MICU1: variants seen among roughly 807,000 people sequenced by gnomAD.
MICU1 encodes calcium uptake protein 1, mitochondrial.
Under a neutral mutation model 56.8 loss-of-function variants are expected in MICU1, and 45 were observed. The observed-to-expected ratio is 0.79, with a 90% CI of 0.62 to 1.02. The LOEUF is 1.02. Ranked by LOEUF, MICU1 falls within the 50% of genes least tolerant of loss-of-function variation. The pLI is 0.00. For missense variants in MICU1, 504 were observed against 587.1 expected (o/e 0.86, Z 1.46); for synonymous variants, 186 against 195.1 (o/e 0.95, Z 0.39).
chr10:72,549,387 C>T (rs375606448), intron 4 of MICU1, among the ~76,000 whole-genome samples: 18 of 150,522 alleles, frequency 1.2e-4, no homozygotes, highest in East Asian at 8.0e-4. Context: ...GATGGGGTTT[C>T]GCCATGTTGC....
At chr10:72,500,016 T>G (rs1188570029) in intron 6 of MICU1, among the ~76,000 whole-genome samples, 1 of 151,964 alleles carries the variant, frequency 6.6e-6, no homozygotes, top group Non-Finnish European at 1.5e-5. Flanking sequence ...TAATTTTCAG[T>G]AAATCAAATC....
chr10:72,507,335 C>T (rs911095366), intron 6 of MICU1, among the ~76,000 whole-genome samples: 26 of 152,092 alleles, frequency 1.7e-4, no homozygotes, highest in Non-Finnish European at 3.2e-4. Flanking sequence ...TTTAAAATCA[C>T]TTAGAGTAGC....
rs114668528 is a variant in MICU1, at chr10:72,591,639, T to A, written c.-1-24845A>T. ...GGGAAACCTAGATAAGATGGACCAA[T>A]TCCTAGAAACACAGAAACTACCATG... On this transcript the variant is annotated intron_variant, in intron 1 of 11. Transcript: ENST00000361114. Among the ~76,000 whole-genome samples the A allele has an allele frequency of 2.1e-3, 324 of 152,216 alleles. 1 individual carries two copies. The highest frequency in any genetic ancestry group is 7.0e-3 in the African/African-American group (290 of 41,538).
chr10:72,417,190 C>T (rs1439424924), intron 9 of MICU1, among the ~76,000 whole-genome samples: 6 of 152,166 alleles, frequency 3.9e-5, no homozygotes, highest in South Asian at 2.1e-4. Flanking sequence ...TGGTGGCTCA[C>T]GCCTGTAATC....
intron 6 of MICU1, among the ~76,000 whole-genome samples, chr10:72,498,199 C>T (rs1418243331): frequency 6.6e-6 from 1 of 152,182 alleles, no homozygotes; most frequent in African/African-American, 2.4e-5. Context: ...CATGTTAGGT[C>T]AGTTTCTAGA....
At chr10:72,448,113 T>TTA (rs201797680) in intron 8 of MICU1, among the ~76,000 whole-genome samples, 1 of 76,252 alleles carries the variant, frequency 1.3e-5, no homozygotes, top group Non-Finnish European at 2.7e-5. Context: ...TGGAAAAAGT[T>TTA]TATATATATG....
At chr10:72,465,312 T>G (rs937970429) in intron 8 of MICU1, among the ~76,000 whole-genome samples, 4 of 140,442 alleles carry the variant, frequency 2.8e-5, no homozygotes, top group South Asian at 2.1e-4. Context: ...GTTTTTTGTT[T>G]TTTTTTTTTT....
chr10:72,410,882 A>C (rs1283083110), intron 9 of MICU1, among the ~76,000 whole-genome samples: 1 of 152,232 alleles, frequency 6.6e-6, no homozygotes, highest in Non-Finnish European at 1.5e-5. Context: ...CAGGTTGTAC[A>C]ATATCATTGC....
At chr10:72,507,654 T>G (rs1345541220) in intron 6 of MICU1, among the ~76,000 whole-genome samples, 10 of 152,212 alleles carry the variant, frequency 6.6e-5, no homozygotes, top group Non-Finnish European at 1.2e-4. Flanking sequence ...TTTTTGCTGC[T>G]GTTGTTTTTG....
At chr10:72,524,372 G>A (rs553035544) in intron 5 of MICU1, among the ~76,000 whole-genome samples, 16 of 152,154 alleles carry the variant, frequency 1.1e-4, no homozygotes, top group African/African-American at 3.9e-4. Context: ...CAAAGTGCTG[G>A]GATTACAAGC....
chr10:72,595,573 C>T (rs1387836856), intron 1 of MICU1, among the ~76,000 whole-genome samples: 1 of 151,734 alleles, frequency 6.6e-6, no homozygotes, highest in Non-Finnish European at 1.5e-5. Context: ...GGAAAAATGG[C>T]TAACATAGCT....
intron 1 of MICU1, among the ~76,000 whole-genome samples, chr10:72,604,563 G>A (rs1271851798): frequency 6.6e-6 from 1 of 150,808 alleles, no homozygotes; most frequent in Non-Finnish European, 1.5e-5. Flanking sequence ...ATGAGCCAGC[G>A]TGCCCGGCCT....
chr10:72,417,453 C>CA (rs869171199), intron 9 of MICU1, among the ~76,000 whole-genome samples: 4,539 of 66,162 alleles, frequency 0.069, 338 homozygotes, highest in African/African-American at 0.24. Flanking sequence ...GACTCCGTCT[C>CA]AAAAAAAAAA....
At position 72,548,174 on chromosome 10, in the gene MICU1, CA is replaced by C. The variant is rs200142646; in HGVS notation, c.493+3004del. The stretch of plus-strand genomic sequence containing the variant: ...GCTGAGGTTTCATCCTGTCAGGCTG[CA>C]ACACTGTACAACTAACTGCTGCAGC... On this transcript the variant is annotated intron_variant, in intron 4 of 11. Transcript: ENST00000361114. Among the ~76,000 whole-genome samples the C allele has an allele frequency of 7.4e-3, 1,132 of 152,242 alleles. 13 individuals are homozygous for C. The highest frequency in any genetic ancestry group is 0.026 in the African/African-American group (1,066 of 41,528).
At chr10:72,524,247 A>C (rs1564918234) in intron 5 of MICU1, among the ~76,000 whole-genome samples, 1 of 152,096 alleles carries the variant, frequency 6.6e-6, no homozygotes, top group Non-Finnish European at 1.5e-5. Flanking sequence ...CAGTCTCCTG[A>C]GTAGCTAGGA....
At chr10:72,432,136 C>A (rs750123870) in intron 8 of MICU1, among the ~76,000 whole-genome samples, 159 of 148,968 alleles carry the variant, frequency 1.1e-3, no homozygotes, top group Non-Finnish European at 1.7e-3. Context: ...CTCTGTCACC[C>A]AGGCTGCAGC....
rs544608008 is a variant in MICU1, at chr10:72,512,201, T to C, written c.538-3932A>G. Among the ~76,000 whole-genome samples, 9 of 140,672 alleles carry C rather than the reference T, an allele frequency of 6.4e-5. No individual in the cohort carries two copies. The East Asian group carries it at 2.2e-3, about 35-fold the overall frequency. 92.3% of individuals were successfully genotyped at this position (140,672 alleles called of 152,430 possible). ...ATCTCTGCTTACTGCAATCTCTGCCTCCCAGGTTCAAGCAATTCCCCTGCC... is the reference window on the plus strand; with the variant it reads ...ATCTCTGCTTACTGCAATCTCTGCCCCCCAGGTTCAAGCAATTCCCCTGCC... On this transcript the variant is annotated intron_variant, in intron 5 of 11. Coordinates refer to ENST00000361114, the MANE Select transcript of MICU1 (RefSeq NM_001195518.2).
intron 6 of MICU1, chr10:72,477,732 G>A: frequency 5.1e-6 from 3 of 592,230 alleles, no homozygotes; most frequent in Non-Finnish European, 8.8e-6. Context: ...TTTGTTGTAA[G>A]TGCAGTCAGG....
intron 1 of MICU1, among the ~76,000 whole-genome samples, chr10:72,602,902 T>C (rs890071813): frequency 6.6e-6 from 1 of 151,442 alleles, no homozygotes; most frequent in African/African-American, 2.4e-5. Context: ...GGTCAGGAGA[T>C]TGAGACCATC....
Sources: allele counts gnomAD v4.1 joint callset (sites outside exome capture counted in the v4.1 genomes callset), GRCh38; gene constraint gnomAD v4.1.1; transcripts MANE v1.5; gene names NCBI Gene and HGNC (gene_info 2026-07-23, HGNC 2026-07-21).